FSTL5: variants seen among roughly 807,000 people sequenced by gnomAD.
FSTL5 encodes the protein follistatin like 5, also known as follistatin-related protein 5.
FSTL5 carries 62 observed loss-of-function variants against 89.1 expected under a neutral mutation model. The ratio of observed to expected loss-of-function variants is 0.70; its 90% CI spans 0.57 to 0.86. The LOEUF is 0.86. Among genes scored for constraint, FSTL5 ranks in the 40% least tolerant of loss-of-function variants. The pLI is 0.00. For synonymous variants in FSTL5, 383 were observed against 346.2 expected, an observed-to-expected ratio of 1.11 and a Z score of -1.18; for missense variants, 1,057 against 1,001.6, an observed-to-expected ratio of 1.06 and a Z score of -0.75.
intron 15 of FSTL5, among the ~76,000 whole-genome samples, chr4:161,402,203 G>A (rs567436744): frequency 6.6e-6 from 1 of 152,076 alleles, no homozygotes; most frequent in South Asian, 2.1e-4. Flanking sequence ...TGCATCATTT[G>A]CAACAAATGC....
intron 4 of FSTL5, among the ~76,000 whole-genome samples, chr4:161,805,872 C>G (rs763699476): frequency 6.6e-6 from 1 of 151,912 alleles, no homozygotes; most frequent in African/African-American, 2.4e-5. Context: ...CATGGTAAAC[C>G]CTTGTCCAAA....
At chr4:161,961,870 A>G (rs1354014397) in intron 3 of FSTL5, among the ~76,000 whole-genome samples, 1 of 151,692 alleles carries the variant, frequency 6.6e-6, no homozygotes, top group Non-Finnish European at 1.5e-5. Flanking sequence ...ACCAAAAGCT[A>G]TGATAACAAA....
chr4:162,136,067 A>C (rs1184375520), intron 1 of FSTL5, among the ~76,000 whole-genome samples: 2 of 152,044 alleles, frequency 1.3e-5, no homozygotes, highest in Non-Finnish European at 2.9e-5. Flanking sequence ...AATGTGACTG[A>C]GTACTGTAGT....
Position 161,874,566 on chromosome 4 carries a change from A to ATTTTTT in FSTL5, c.409+45832_409+45837dup, listed in dbSNP as rs375519679. ...AGCTTCCTTCCAGAATATATTTTAG[A>ATTTTTT]TTTTTTTTTTTTTTTACTTTCTTAC... On this transcript the variant is annotated intron_variant, in intron 4 of 15. Coordinates refer to ENST00000306100, the MANE Select transcript of FSTL5 (RefSeq NM_020116.5). Among the ~76,000 whole-genome samples, 167 of 135,680 alleles carry ATTTTTT rather than the reference A, an allele frequency of 1.2e-3. 1 individual carries two copies. The highest frequency in any genetic ancestry group is 1.9e-3 in the Non-Finnish European group (121 of 64,130). The allele number at this position is 135,680 out of a possible 152,430, so 89.0% of individuals were successfully genotyped here. A position where few individuals can be genotyped will look rare whatever the true frequency, so the allele number is the denominator to read the frequency against.
At chr4:161,504,480 T>TA (rs1292004122) in intron 11 of FSTL5, among the ~76,000 whole-genome samples, 2 of 151,178 alleles carry the variant, frequency 1.3e-5, no homozygotes, top group African/African-American at 4.9e-5. Flanking sequence ...TCGTTTTTGT[T>TA]TTTTTTTTCC....
intron 12 of FSTL5, among the ~76,000 whole-genome samples, chr4:161,492,911 A>T (rs1211288217): frequency 6.6e-6 from 1 of 152,008 alleles, no homozygotes; most frequent in South Asian, 2.1e-4. Context: ...ATATTTACCA[A>T]TACAAACATT....
chr4:161,550,725 C>T (rs1408185610), intron 8 of FSTL5, among the ~76,000 whole-genome samples: 2 of 151,872 alleles, frequency 1.3e-5, no homozygotes, highest in Non-Finnish European at 2.9e-5. Flanking sequence ...CAATGCTATC[C>T]CTCCCCCATC....
intron 7 of FSTL5, among the ~76,000 whole-genome samples, chr4:161,630,440 A>T (rs191359367): frequency 5.9e-5 from 9 of 152,264 alleles, no homozygotes; most frequent in Admixed American, 5.2e-4. Context: ...TGCTTTTATG[A>T]GCCTTTCTTG....
intron 2 of FSTL5, among the ~76,000 whole-genome samples, chr4:162,079,052 A>C (rs1320720467): frequency 2.0e-5 from 3 of 151,744 alleles, no homozygotes; most frequent in Non-Finnish European, 4.4e-5. Flanking sequence ...GATCCAGATG[A>C]AAGTTATAAA....
At chr4:161,504,373 A>G (rs1730403203) in intron 11 of FSTL5, among the ~76,000 whole-genome samples, 1 of 151,898 alleles carries the variant, frequency 6.6e-6, no homozygotes, top group Admixed American at 6.6e-5. Context: ...TCATGAATGC[A>G]TTGTGGTGAA....
intron 8 of FSTL5, among the ~76,000 whole-genome samples, chr4:161,548,323 A>G (rs1012966605): frequency 6.6e-6 from 1 of 151,916 alleles, no homozygotes. Context: ...GTACTGTTCA[A>G]TAATGAAAAC....
At chr4:161,664,091 T>C (rs558176812) in intron 6 of FSTL5, among the ~76,000 whole-genome samples, 3 of 152,320 alleles carry the variant, frequency 2.0e-5, no homozygotes, top group Admixed American at 2.0e-4. Flanking sequence ...AAACCACCTG[T>C]TCCTCCTGGG....
At chr4:161,736,258 C>T (rs1739812654) in intron 6 of FSTL5, among the ~76,000 whole-genome samples, 1 of 152,110 alleles carries the variant, frequency 6.6e-6, no homozygotes, top group Non-Finnish European at 1.5e-5. Flanking sequence ...TTTACTGTGT[C>T]ATCTAGCTCA....
intron 4 of FSTL5, among the ~76,000 whole-genome samples, chr4:161,919,843 C>T (rs2110860287): frequency 6.6e-6 from 1 of 152,146 alleles, no homozygotes; most frequent in East Asian, 1.9e-4. Flanking sequence ...CAATGATTTT[C>T]AAATGCATGA....
chr4:162,007,627 T>TA (rs147535137), intron 3 of FSTL5, among the ~76,000 whole-genome samples: 16,103 of 150,404 alleles, frequency 0.11, 880 homozygotes, highest in Non-Finnish European at 0.13. Context: ...TCCAACTTAT[T>TA]AAAAAAAAAG....
chr4:161,489,257 G>T (rs1729785196), intron 12 of FSTL5, among the ~76,000 whole-genome samples: 1 of 152,060 alleles, frequency 6.6e-6, no homozygotes, highest in African/African-American at 2.4e-5. Context: ...TCCTGGCTAG[G>T]GGGAAGGTCC....
At chr4:162,100,989 T>C (rs770558051) in intron 2 of FSTL5, among the ~76,000 whole-genome samples, 1 of 152,186 alleles carries the variant, frequency 6.6e-6, no homozygotes, top group Non-Finnish European at 1.5e-5. Flanking sequence ...ACTTACTGAT[T>C]GTATAATGAG....
At chr4:161,938,684 T>A (rs557850222) in intron 3 of FSTL5, among the ~76,000 whole-genome samples, 24 of 152,204 alleles carry the variant, frequency 1.6e-4, no homozygotes, top group Middle Eastern at 3.4e-3. Context: ...AAATTTGGCA[T>A]CCTAAAGAAA....
intron 10 of FSTL5, among the ~76,000 whole-genome samples, chr4:161,514,420 T>G (rs1306044510): frequency 6.6e-6 from 1 of 151,978 alleles, no homozygotes; most frequent in East Asian, 1.9e-4. Flanking sequence ...AGCTAGAAAA[T>G]GGGTTCACAT....
Sources: allele counts gnomAD v4.1 joint callset (sites outside exome capture counted in the v4.1 genomes callset), GRCh38; gene constraint gnomAD v4.1.1; transcripts MANE v1.5; gene names NCBI Gene and HGNC (gene_info 2026-07-23, HGNC 2026-07-21).